Variants in TAOK3 observed in about 807,000 individuals in gnomAD.
TAOK3 encodes the protein TAO kinase 3.
In TAOK3, 40 loss-of-function variants were observed where a neutral mutation model predicts 120.4. The observed-to-expected ratio is 0.33, with a 90% CI of 0.26 to 0.43. TAOK3 has a LOEUF of 0.43. TAOK3 is among the 20% of genes least tolerant of loss of function. The pLI is 1.00. For missense variants in TAOK3, 821 were observed against 1,112.1 expected (o/e 0.74, Z 3.72); for synonymous variants, 355 against 387.5 (o/e 0.92, Z 0.99).
At chr12:118,177,410 G>A in intron 15 of TAOK3, 81 bp from the exon 16 acceptor site, 18 of 1,212,628 alleles carry the variant, frequency 1.5e-5, no homozygotes, top group Non-Finnish European at 2.1e-5. Flanking sequence ...AGTGCAGTAA[G>A]ACAGTCCATG....
chr12:118,271,045 T>G (rs958083069), intron 1 of TAOK3, among the ~76,000 whole-genome samples: 1 of 152,164 alleles, frequency 6.6e-6, no homozygotes, highest in Non-Finnish European at 1.5e-5. Flanking sequence ...TAGTTAGTAT[T>G]CTAAAACTGG....
chr12:118,309,467 C>T (rs533265763), intron 1 of TAOK3, among the ~76,000 whole-genome samples: 2 of 152,008 alleles, frequency 1.3e-5, no homozygotes, highest in African/African-American at 4.8e-5. Flanking sequence ...AAACAACTGC[C>T]CTCCTCCCTG....
chr12:118,192,548 G>A (rs1003652419), intron 13 of TAOK3, among the ~76,000 whole-genome samples: 2 of 152,158 alleles, frequency 1.3e-5, no homozygotes, highest in Non-Finnish European at 2.9e-5. Flanking sequence ...AGTGCATTGG[G>A]AAATGAATTT....
At chr12:118,207,858 T>TCACGCACACACACACACA (rs1555221794) in intron 11 of TAOK3, among the ~76,000 whole-genome samples, 2 of 144,350 alleles carry the variant, frequency 1.4e-5, no homozygotes, top group East Asian at 4.1e-4. Flanking sequence ...AGACTCTGTC[T>TCACGCACACACACACACA]CACACACACA....
At chr12:118,200,333 T>C (rs1399242208) in intron 12 of TAOK3, 1 of 152,094 alleles carries the variant, frequency 6.6e-6, no homozygotes, top group African/African-American at 2.4e-5. Context: ...TATCCCTTTC[T>C]TCTATCTTCG....
intron 1 of TAOK3, among the ~76,000 whole-genome samples, chr12:118,296,364 C>T (rs1332277198): frequency 1.3e-5 from 2 of 152,166 alleles, no homozygotes; most frequent in Non-Finnish European, 2.9e-5. Flanking sequence ...GAACTCCTGA[C>T]CTCAGGTGAT....
At chr12:118,318,845 T>C (rs187152170) in intron 1 of TAOK3, among the ~76,000 whole-genome samples, 6 of 152,204 alleles carry the variant, frequency 3.9e-5, no homozygotes, top group Non-Finnish European at 5.9e-5. Context: ...CGTCAGTGGG[T>C]GAATGGAAAA....
chr12:118,288,126 A>G (rs979381971), intron 1 of TAOK3, among the ~76,000 whole-genome samples: 2 of 151,792 alleles, frequency 1.3e-5, no homozygotes, highest in Non-Finnish European at 2.9e-5. Context: ...CCCTGTTTCT[A>G]CTTTGTTGCC....
chr12:118,259,949 G>A (rs2041154066), intron 2 of TAOK3, among the ~76,000 whole-genome samples: 1 of 152,100 alleles, frequency 6.6e-6, no homozygotes, highest in Non-Finnish European at 1.5e-5. Flanking sequence ...CAATCTGAAA[G>A]GAATACAAAC....
At chr12:118,314,413 G>A (rs985412606) in intron 1 of TAOK3, among the ~76,000 whole-genome samples, 5 of 152,054 alleles carry the variant, frequency 3.3e-5, no homozygotes, top group Non-Finnish European at 7.4e-5. Flanking sequence ...AAACAATATC[G>A]TGAATTAAGA....
At chr12:118,207,044 C>A (rs1031409861) in intron 11 of TAOK3, among the ~76,000 whole-genome samples, 16 of 151,968 alleles carry the variant, frequency 1.1e-4, no homozygotes, top group African/African-American at 3.6e-4. Flanking sequence ...AAAAGAAAAT[C>A]GGCCAGGCAC....
chr12:118,206,352 C>T (rs974916439), intron 11 of TAOK3, among the ~76,000 whole-genome samples: 3 of 152,174 alleles, frequency 2.0e-5, no homozygotes, highest in African/African-American at 7.2e-5. Flanking sequence ...CTGTTTAAAC[C>T]TTTTACAAAC....
At position 118,246,933 on chromosome 12, in the gene TAOK3, C is replaced by T. The variant is rs139455255; in HGVS notation, c.121-1968G>A. 3,966 of 1,187,130 alleles carry T rather than the reference C, an allele frequency of 3.3e-3. 140 individuals are homozygous for T. The East Asian group carries it at 0.045, about 13-fold the overall frequency. 73.5% of individuals were successfully genotyped at this position (1,187,130 alleles called of 1,614,324 possible). A position where few individuals can be genotyped will look rare whatever the true frequency, so the allele number is the denominator to read the frequency against. ...GACCCACACCAGAGTCTCCGTGCAG[C>T]GGACTCAGGATCCAGCTGTGGCTAC... On this transcript the variant is annotated intron_variant, in intron 3 of 20. Coordinates refer to ENST00000392533, the MANE Select transcript of TAOK3 (RefSeq NM_016281.4).
chr12:118,160,428 G>T lies in TAOK3; in HGVS notation c.2140-70C>A. 1 of 1,294,292 alleles carries T rather than the reference G, an allele frequency of 7.7e-7. No individual in the cohort carries two copies. The highest frequency in any genetic ancestry group is 1.3e-5 in the South Asian group (1 of 79,602). The allele number at this position is 1,294,292 out of a possible 1,614,324, so 80.2% of individuals were successfully genotyped here. A position where few individuals can be genotyped will look rare whatever the true frequency, so the allele number is the denominator to read the frequency against. On this transcript the variant is annotated intron_variant, in intron 18 of 20. Coordinates refer to ENST00000392533, the MANE Select transcript of TAOK3 (RefSeq NM_016281.4). This position sits in a 1 kb window ranked among gnomAD's most constrained non-coding sequence, Gnocchi z 4.2. ...AATACAGAAAGCCTTCTACCATAATGATATAATACAAGTGCTGAGAGCGTC... is the reference window on the plus strand; with the variant it reads ...AATACAGAAAGCCTTCTACCATAATTATATAATACAAGTGCTGAGAGCGTC...
intron 1 of TAOK3, among the ~76,000 whole-genome samples, chr12:118,364,092 C>T (rs1305897948): frequency 2.6e-5 from 4 of 152,012 alleles, no homozygotes; most frequent in Non-Finnish European, 2.9e-5. Flanking sequence ...GTGGAGATGG[C>T]GCCATTGCAC....
chr12:118,222,928 T>TA (rs1276978207), intron 9 of TAOK3, among the ~76,000 whole-genome samples: 1 of 151,856 alleles, frequency 6.6e-6, no homozygotes, highest in Non-Finnish European at 1.5e-5. Flanking sequence ...GCTATTGAAA[T>TA]AAAAAAATGT....
At chr12:118,360,324 T>C (rs1036996537) in intron 1 of TAOK3, among the ~76,000 whole-genome samples, 1 of 150,748 alleles carries the variant, frequency 6.6e-6, no homozygotes, top group Non-Finnish European at 1.5e-5. Context: ...TTCCAGCACT[T>C]TGGGAGGCTG....
At chr12:118,242,482 A>G (rs1316136268) in intron 5 of TAOK3, among the ~76,000 whole-genome samples, 2 of 152,220 alleles carry the variant, frequency 1.3e-5, no homozygotes, top group Non-Finnish European at 2.9e-5. Flanking sequence ...GGAATGTGCA[A>G]TTTGAAAAAG....
rs2045603917 is a variant in TAOK3 at position 118,361,679 on chromosome 12, G to A, written c.-194+10969C>T. ...TCACCATGTTGGCCAGGCTGGTCTT[G>A]AACTCCTGACCTCAAGTGATCCACC... is the stretch of plus-strand genomic sequence containing the variant. On this transcript the variant is annotated intron_variant, in intron 1 of 20. Coordinates refer to ENST00000392533, the MANE Select transcript of TAOK3 (RefSeq NM_016281.4). Among the ~76,000 whole-genome samples, 9 of 152,112 alleles carry A rather than the reference G, an allele frequency of 5.9e-5. No individual in the cohort carries two copies. In the South Asian group the frequency reaches 1.9e-3, roughly 32 times the overall value.
Sources: gnomAD v4.1 joint callset for allele counts (sites outside exome capture counted in the v4.1 genomes callset) on GRCh38, gnomAD v4.1.1 for gene constraint, Gnocchi (gnomAD v3.1) non-coding constraint, MANE v1.5 for transcripts, NCBI Gene and HGNC (gene_info 2026-07-23, HGNC 2026-07-21) for gene names.